The following NKAIN2 variants were observed in gnomAD, a reference collection of about 807,000 sequenced individuals.
NKAIN2 encodes the protein sodium/potassium transporting ATPase interacting 2.
In NKAIN2, 14 loss-of-function variants were observed where a neutral mutation model predicts 32.6. The observed-to-expected ratio is 0.43, with a 90% confidence interval of 0.28 to 0.67. NKAIN2 has a LOEUF of 0.67. Among genes scored for constraint, NKAIN2 ranks in the 30% least tolerant of loss-of-function variants. The pLI is 0.17. For missense variants in NKAIN2, 198 were observed against 258.3 expected, an observed-to-expected ratio of 0.77 and a Z score of 1.60; for synonymous variants, 80 against 87.2, an observed-to-expected ratio of 0.92 and a Z score of 0.46.
At chr6:124,431,094 G>C (rs1162938089) in intron 3 of NKAIN2, among the ~76,000 whole-genome samples, 1 of 152,154 alleles carries the variant, frequency 6.6e-6, no homozygotes, top group Non-Finnish European at 1.5e-5. Context: ...AATTCCTAGA[G>C]AGATTTTACA....
intron 1 of NKAIN2, among the ~76,000 whole-genome samples, chr6:124,002,129 T>C (rs1779902244): frequency 2.0e-5 from 3 of 152,088 alleles, no homozygotes; most frequent in Admixed American, 6.6e-5. Context: ...ATTAAAATTA[T>C]AACCAAGTTC....
At chr6:124,776,693 C>T (rs1201916738) in intron 4 of NKAIN2, among the ~76,000 whole-genome samples, 4 of 152,082 alleles carry the variant, frequency 2.6e-5, no homozygotes, top group East Asian at 3.9e-4. Context: ...TATTATACAC[C>T]GTAATTTTTA....
At chr6:124,194,892 A>G (rs1562415003) in intron 1 of NKAIN2, among the ~76,000 whole-genome samples, 1 of 152,028 alleles carries the variant, frequency 6.6e-6, no homozygotes, top group African/African-American at 2.4e-5. Context: ...AATTTTGTAC[A>G]TTTTTAATTA....
intron 1 of NKAIN2, among the ~76,000 whole-genome samples, chr6:124,037,708 G>C (rs1781666437): frequency 6.6e-6 from 1 of 152,112 alleles, no homozygotes; most frequent in Non-Finnish European, 1.5e-5. Context: ...GAAGACTACA[G>C]TTACGGAATT....
chr6:124,333,744 T>G (rs1447746418), intron 2 of NKAIN2, among the ~76,000 whole-genome samples: 3 of 152,108 alleles, frequency 2.0e-5, no homozygotes, highest in Admixed American at 2.0e-4. Context: ...GAACACACTT[T>G]GTTGGTATTT....
At chr6:124,666,770 G>A (rs906010668) in intron 4 of NKAIN2, among the ~76,000 whole-genome samples, 4 of 151,822 alleles carry the variant, frequency 2.6e-5, no homozygotes, top group Non-Finnish European at 5.9e-5. Context: ...AATATTCTCA[G>A]GTATTCCCTA....
intron 3 of NKAIN2, among the ~76,000 whole-genome samples, chr6:124,362,844 TA>T (rs1289139816): frequency 6.6e-6 from 1 of 152,164 alleles, no homozygotes; most frequent in Non-Finnish European, 1.5e-5. Flanking sequence ...TTATTATTAT[TA>T]TTTTTTTGAG....
rs550874881 is a variant in NKAIN2, at chr6:124,071,702, C to T, written c.55-211303C>T. On this transcript the variant is annotated intron_variant, in intron 1 of 6. Transcript: ENST00000368417. ...CATTTATCAAAAGAAGATATACTAG[C>T]GGCCAACAAATATATGAAAAAATGC... is the stretch of plus-strand genomic sequence containing the variant. 3.9e-5 allele frequency among the ~76,000 whole-genome samples: 6 copies of T among 152,086 alleles called. No individual in the cohort carries two copies. In the South Asian group the frequency reaches 8.3e-4, roughly 21 times the overall value.
intron 1 of NKAIN2, among the ~76,000 whole-genome samples, chr6:124,054,896 C>G (rs1782579262): frequency 6.6e-6 from 1 of 151,988 alleles, no homozygotes; most frequent in Non-Finnish European, 1.5e-5. Flanking sequence ...GGTTCTATCA[C>G]TTATGATTAA....
chr6:123,938,051 G>C (rs150290335), intron 1 of NKAIN2, among the ~76,000 whole-genome samples: 2 of 100,196 alleles, frequency 2.0e-5, no homozygotes, highest in East Asian at 7.6e-4. Context: ...CTGAACCGCT[G>C]ATAGCAGCCA....
rs1774393287 is a variant in NKAIN2 at position 123,898,513 on chromosome 6, T to G, written c.54+94259T>G. 2.6e-5 allele frequency among the ~76,000 whole-genome samples: 4 copies of G among 151,704 alleles called. No individual in the cohort carries two copies. The South Asian group carries it at 8.3e-4, about 32-fold the overall frequency. On this transcript the variant is annotated intron_variant, in intron 1 of 6. Transcript: ENST00000368417. The stretch of plus-strand genomic sequence containing the variant: ...GATTCATTAATCAACATTGTTTGGG[T>G]GCAAAATGTCCAGATATCGATTCCT...
intron 1 of NKAIN2, among the ~76,000 whole-genome samples, chr6:124,233,833 G>T (rs1178515200): frequency 6.6e-6 from 1 of 152,116 alleles, no homozygotes; most frequent in Non-Finnish European, 1.5e-5. Flanking sequence ...AATATGCTAG[G>T]TTATGTGTGA....
chr6:124,733,728 T>TTA (rs1776797926), intron 4 of NKAIN2, among the ~76,000 whole-genome samples: 2 of 151,828 alleles, frequency 1.3e-5, no homozygotes, highest in African/African-American at 4.8e-5. Context: ...CATATTTAGC[T>TTA]GAATATAGAT....
intron 1 of NKAIN2, among the ~76,000 whole-genome samples, chr6:124,160,924 A>G (rs1403955044): frequency 6.6e-6 from 1 of 152,166 alleles, no homozygotes; most frequent in Non-Finnish European, 1.5e-5. Flanking sequence ...ATTCTGTGGT[A>G]AAAGTTGCTC....
At position 124,451,064 on chromosome 6, in the gene NKAIN2, C is replaced by A. The variant is rs968038329; in HGVS notation, c.273+95717C>A. Among the ~76,000 whole-genome samples, 5 of 152,056 alleles carry A rather than the reference C, an allele frequency of 3.3e-5. No homozygotes were observed. In the East Asian group the frequency reaches 5.8e-4, roughly 18 times the overall value. ...AAAGAATCAGTTAAAATAATGGAACCTTTTAGCCCAAGCACACTATCTGTA... is the reference window on the plus strand; with the variant it reads ...AAAGAATCAGTTAAAATAATGGAACATTTTAGCCCAAGCACACTATCTGTA... On this transcript the variant is annotated intron_variant, in intron 3 of 6. Transcript: ENST00000368417.
intron 3 of NKAIN2, among the ~76,000 whole-genome samples, chr6:124,460,797 G>C (rs919936801): frequency 6.6e-6 from 1 of 151,588 alleles, no homozygotes; most frequent in African/African-American, 2.4e-5. Flanking sequence ...TTTTCTGTGT[G>C]ATTACTGCTT....
At chr6:124,453,226 T>A (rs1475152215) in intron 3 of NKAIN2, among the ~76,000 whole-genome samples, 1 of 151,786 alleles carries the variant, frequency 6.6e-6, no homozygotes, top group African/African-American at 2.4e-5. Flanking sequence ...TATTGACTTA[T>A]CTTTATTTCT....
intron 1 of NKAIN2, among the ~76,000 whole-genome samples, chr6:124,012,434 C>G (rs969773884): frequency 6.7e-6 from 1 of 148,996 alleles, no homozygotes; most frequent in Non-Finnish European, 1.5e-5. Context: ...CTCCCAGGTT[C>G]AAGCAATTCT....
intron 1 of NKAIN2, among the ~76,000 whole-genome samples, chr6:123,811,838 T>C (rs1773487129): frequency 6.6e-6 from 1 of 152,148 alleles, no homozygotes; most frequent in Admixed American, 6.5e-5. Context: ...TTTGTGAGGC[T>C]TTATAAATAA....
Sources: allele counts gnomAD v4.1 joint callset (sites outside exome capture counted in the v4.1 genomes callset), GRCh38; gene constraint gnomAD v4.1.1; transcripts MANE v1.5; gene names NCBI Gene and HGNC (gene_info 2026-07-23, HGNC 2026-07-21).